The following DSG2 variants were observed in gnomAD, a reference collection of about 807,000 sequenced individuals.
The protein encoded by DSG2 is desmoglein-2.
Under a neutral mutation model 75.6 loss-of-function variants are expected in DSG2, and 45 were observed. The ratio of observed to expected loss-of-function variants is 0.60; its 90% CI spans 0.47 to 0.76. The LOEUF is 0.76. DSG2 is among the 30% of genes least tolerant of loss of function. The pLI, the probability that DSG2 is intolerant of heterozygous loss-of-function variation, is 0.00. For missense variants in DSG2, 1,267 were observed against 1,357.4 expected (o/e 0.93, Z 1.05); for synonymous variants, 429 against 483.9 (o/e 0.89, Z 1.49).
At chr18:31,511,152 C>CA (rs1409047572) in intron 1 of DSG2, among the ~76,000 whole-genome samples, 1 of 152,238 alleles carries the variant, frequency 6.6e-6, no homozygotes, top group African/African-American at 2.4e-5. Flanking sequence ...CTGGTTATTA[C>CA]AGTAGCTTCC....
chr18:31,538,451 C>T lies in DSG2; in HGVS notation c.1652-300C>T, dbSNP rs550130381. ...ATTCAGTAGAAATGTTAACTCACCA[C>T]TTGTTTGTCACTGTATTCCCAGTGT... On this transcript the variant is annotated intron_variant, in intron 11 of 14. Coordinates refer to ENST00000261590, the MANE Select transcript of DSG2 (RefSeq NM_001943.5). 5.9e-5 allele frequency among the ~76,000 whole-genome samples: 9 copies of T among 152,274 alleles called. No homozygotes were observed. The South Asian group carries it at 1.9e-3, about 32-fold the overall frequency.
intron 5 of DSG2, 93 bp from the exon 6 acceptor site, chr18:31,521,990 C>CT: frequency 2.4e-6 from 3 of 1,250,114 alleles, no homozygotes; most frequent in African/African-American, 1.5e-5. Context: ...CACCTGAAAT[C>CT]TTTTTTGGAA....
intron 3 of DSG2, among the ~76,000 whole-genome samples, 157 bp from the exon 4 acceptor site, chr18:31,520,646 C>T (rs1195073469): frequency 6.6e-6 from 1 of 152,188 alleles, no homozygotes; most frequent in Non-Finnish European, 1.5e-5. Context: ...GTCATGTCAT[C>T]TCTGGCCTGT....
chr18:31,498,431 G>C (rs566149803), intron 1 of DSG2, 135 bp downstream of exon 1: 47 of 1,001,956 alleles, frequency 4.7e-5, no homozygotes, highest in East Asian at 4.0e-4. Context: ...CTGCCCGAGG[G>C]GGGAAAAGGG....
At position 31,546,692 on chromosome 18, in the gene DSG2, ATCTT is replaced by A. The variant is rs1567935305; in HGVS notation, c.3307_3310del (p.Ser1103ProfsTer23). 1.9e-6 allele frequency: 3 copies of A among 1,614,148 alleles called. No homozygotes were observed. The highest frequency in any genetic ancestry group is 2.5e-6 in the Non-Finnish European group (3 of 1,180,010). On this transcript the variant is annotated frameshift_variant, in exon 15 of 15. Coordinates refer to ENST00000261590, the MANE Select transcript of DSG2 (RefSeq NM_001943.5). LOFTEE classifies it high-confidence loss of function. ...GTCATTCTAATTCTACCATAACCAC[ATCTT>A]CCACCAGAGTTACCAAGCATAGCAC...
intron 1 of DSG2, among the ~76,000 whole-genome samples, chr18:31,515,402 G>T (rs1371118422): frequency 1.3e-5 from 2 of 152,110 alleles, no homozygotes; most frequent in Non-Finnish European, 2.9e-5. Flanking sequence ...ACTGTACCCG[G>T]CCTAAATATA....
In DSG2 at chr18:31,536,561, C is replaced by A. The variant is rs780518783; in HGVS notation, c.1651+132C>A. The A allele has an allele frequency of 4.5e-6, 4 of 884,242 alleles. No homozygotes were observed. In the Admixed American group the frequency reaches 8.8e-5, roughly 19 times the overall value. The allele number at this position is 884,242 out of a possible 1,614,324, so 54.8% of individuals were successfully genotyped here. On this transcript the variant is annotated intron_variant, in intron 11 of 14. Transcript: ENST00000261590. ...TTAAAGGAGTTTATGAAATGAGGTC[C>A]TGAACCTACTGACATATAGTATCTT...
At chr18:31,527,722 T>C (rs1343350532) in intron 8 of DSG2, among the ~76,000 whole-genome samples, 1 of 152,222 alleles carries the variant, frequency 6.6e-6, no homozygotes, top group African/African-American at 2.4e-5. Context: ...GAAATGAATA[T>C]CTTAGTCCGT....
intron 1 of DSG2, among the ~76,000 whole-genome samples, chr18:31,507,139 G>A (rs565289403): frequency 5.4e-4 from 4 of 7,398 alleles, no homozygotes; most frequent in African/African-American, 1.9e-3. Flanking sequence ...ATGTGTTCTC[G>A]TTGTTCAACT....
In DSG2 at chr18:31,519,882, C is replaced by T. The variant is rs549152487; in HGVS notation, c.161C>T (p.Ala54Val). The change falls in exon 3 of 15, where the codon GCC becomes GTC. Residue 54 changes from alanine (A) to valine (V), a missense_variant. Coordinates refer to ENST00000261590, the MANE Select transcript of DSG2 (RefSeq NM_001943.5). ...CGGCAAAAGCGCGCCTGGATCACCG[C>T]CCCCGTGGCTCTTCGGGAGGGAGAG... ...LVRQKRAWIT[A>V]PVALREGEDL... is the part of the protein sequence containing the mutation. The T allele has an allele frequency of 2.5e-6, 4 of 1,614,128 alleles. No individual in the cohort carries two copies. The East Asian group carries it at 6.7e-5, about 27-fold the overall frequency.
intron 5 of DSG2, among the ~76,000 whole-genome samples, chr18:31,521,511 C>T (rs1364457818): frequency 1.1e-4 from 17 of 152,074 alleles, no homozygotes; most frequent in Non-Finnish European, 2.9e-5. Context: ...AGGAAAGCAC[C>T]ATAGACAATA....
intron 1 of DSG2, 98 bp downstream of exon 1, chr18:31,498,394 GCGTTACCTGCC>G: frequency 8.4e-7 from 1 of 1,195,536 alleles, no homozygotes; most frequent in Non-Finnish European, 1.1e-6. Context: ...GCCCTTGTGC[GCGTTACCTGCC>G]CGGCGCTCCT....
intron 1 of DSG2, among the ~76,000 whole-genome samples, chr18:31,503,643 G>C (rs749346579): frequency 6.6e-6 from 1 of 152,168 alleles, no homozygotes; most frequent in African/African-American, 2.4e-5. Flanking sequence ...AGAAGAGATA[G>C]GATTTGAGTG....
chr18:31,531,298 A>T (rs1178639101), intron 9 of DSG2, 46 bp downstream of exon 9: 2 of 1,603,992 alleles, frequency 1.2e-6, no homozygotes, highest in South Asian at 2.2e-5. Context: ...AATTATTTTC[A>T]GTGCCTATTT....
intron 1 of DSG2, among the ~76,000 whole-genome samples, chr18:31,512,145 A>G (rs904131634): frequency 1.3e-5 from 2 of 152,140 alleles, no homozygotes; most frequent in African/African-American, 4.8e-5. Flanking sequence ...CAGAACACAT[A>G]AAAACGGCTC....
intron 1 of DSG2, among the ~76,000 whole-genome samples, chr18:31,503,781 G>A (rs2073025719): frequency 6.6e-6 from 1 of 152,170 alleles, no homozygotes; most frequent in African/African-American, 2.4e-5. Flanking sequence ...CAGCCTGACT[G>A]CCACAGGGAG....
intron 11 of DSG2, among the ~76,000 whole-genome samples, chr18:31,538,082 A>T (rs2073242607): frequency 6.6e-6 from 1 of 152,058 alleles, no homozygotes; most frequent in South Asian, 2.1e-4. Flanking sequence ...TGCTATCTGT[A>T]ACTTACCTTG....
At chr18:31,526,933 T>C (rs2073166260) in intron 8 of DSG2, among the ~76,000 whole-genome samples, 1 of 152,196 alleles carries the variant, frequency 6.6e-6, no homozygotes, top group African/African-American at 2.4e-5. Context: ...CTAAGCCTAA[T>C]TTATTATTGG....
chr18:31,534,273 C>G (rs1479951723), intron 9 of DSG2, among the ~76,000 whole-genome samples: 1 of 152,096 alleles, frequency 6.6e-6, no homozygotes, highest in East Asian at 1.9e-4. Context: ...TAGGTGTGAG[C>G]CACCATGCTT....
Sources: allele counts gnomAD v4.1 joint callset (sites outside exome capture counted in the v4.1 genomes callset), GRCh38; gene constraint gnomAD v4.1.1; transcripts MANE v1.5; gene names NCBI Gene and HGNC (gene_info 2026-07-23, HGNC 2026-07-21).